PDE1A: variants seen among roughly 807,000 people sequenced by gnomAD.
PDE1A encodes the protein phosphodiesterase 1A, also known as dual specificity calcium/calmodulin-dependent 3',5'-cyclic nucleotide phosphodiesterase 1A.
In PDE1A, 35 loss-of-function variants were observed where a neutral mutation model predicts 61.7. The observed-to-expected ratio is 0.57, with a 90% CI of 0.43 to 0.75. The LOEUF is 0.75. Among genes scored for constraint, PDE1A ranks in the 30% least tolerant of loss-of-function variants. The pLI is 0.00. For synonymous variants in PDE1A, 232 were observed against 213.2 expected (o/e 1.09, Z -0.77); for missense variants, 597 against 630.6 (o/e 0.95, Z 0.57).
At chr2:182,235,872 G>T (rs868492632) in intron 3 of PDE1A, among the ~76,000 whole-genome samples, 18 of 152,188 alleles carry the variant, frequency 1.2e-4, no homozygotes, top group East Asian at 5.8e-4. Flanking sequence ...TAAATTTTTT[G>T]ATTCAATGTT....
At chr2:182,624,111 C>A in the PDE1A span, among the ~76,000 whole-genome samples, 2 of 126,680 alleles carry the variant, frequency 1.6e-5, no homozygotes, top group African/African-American at 3.0e-5. Context: ...GGGGACAGAG[C>A]GAGACTCCGT....
intron 1 of PDE1A, among the ~76,000 whole-genome samples, chr2:182,306,988 T>C (rs1574308201): frequency 6.6e-6 from 1 of 152,140 alleles, no homozygotes; most frequent in East Asian, 1.9e-4. Context: ...ACAGCAAAGC[T>C]ACAATTAGCA....
intron 7 of PDE1A, among the ~76,000 whole-genome samples, chr2:182,220,133 T>C (rs1205994025): frequency 6.6e-6 from 1 of 152,070 alleles, no homozygotes; most frequent in Non-Finnish European, 1.5e-5. Flanking sequence ...CACATATTTC[T>C]AAAATAGATT....
chr2:182,621,968 GAATGAGATTTGAAAATCT>G, the PDE1A span, among the ~76,000 whole-genome samples: 1 of 152,152 alleles, frequency 6.6e-6, no homozygotes, highest in African/African-American at 2.4e-5. Flanking sequence ...TGACTTTGGA[GAATGAGATTTGAAAATCT>G]AATTAATGGC....
the PDE1A span, among the ~76,000 whole-genome samples, chr2:182,533,562 TA>T: frequency 1.3e-5 from 2 of 152,172 alleles, no homozygotes; most frequent in Non-Finnish European, 2.9e-5. Context: ...TGATACTGTT[TA>T]AAGTTGAAAA....
chr2:182,420,846 C>T (rs1703232250), intron 1 of PDE1A, among the ~76,000 whole-genome samples: 1 of 152,138 alleles, frequency 6.6e-6, no homozygotes, highest in Admixed American at 6.5e-5. Context: ...CGTACATTTC[C>T]AGCAGCTCCA....
chr2:182,337,830 AAAAG>A (rs1205320932), intron 1 of PDE1A, among the ~76,000 whole-genome samples: 1 of 152,206 alleles, frequency 6.6e-6, no homozygotes, highest in African/African-American at 2.4e-5. Flanking sequence ...ATTTTAAAAA[AAAAG>A]AAAGTGTGAT....
At chr2:182,296,916 G>T (rs1319879550) in intron 1 of PDE1A, among the ~76,000 whole-genome samples, 2 of 152,128 alleles carry the variant, frequency 1.3e-5, no homozygotes, top group African/African-American at 4.8e-5. Context: ...TAATTGAGCT[G>T]GAATGTCAGT....
At chr2:182,655,950 A>G in the PDE1A span, among the ~76,000 whole-genome samples, 3 of 152,212 alleles carry the variant, frequency 2.0e-5, no homozygotes, top group African/African-American at 4.8e-5. Context: ...GATCACTTCA[A>G]AAACTGCCTT....
intron 2 of PDE1A, among the ~76,000 whole-genome samples, chr2:182,434,967 T>C (rs1191258426): frequency 6.6e-6 from 1 of 152,028 alleles, no homozygotes. Context: ...GTCATTTAAA[T>C]CCATCAGAAA....
downstream of PDE1A, among the ~76,000 whole-genome samples, chr2:182,144,087 T>C (rs1334867383): frequency 6.6e-6 from 1 of 152,212 alleles, no homozygotes; most frequent in Admixed American, 6.5e-5. Flanking sequence ...CCAAAAGATA[T>C]TTTAAATCAG....
At chr2:182,607,113 G>A in the PDE1A span, among the ~76,000 whole-genome samples, 1 of 152,140 alleles carries the variant, frequency 6.6e-6, no homozygotes, top group African/African-American at 2.4e-5. Context: ...AGAAGCAGGT[G>A]GTTAGTTAGG....
chr2:182,249,837 A>T (rs1053427473), intron 2 of PDE1A, among the ~76,000 whole-genome samples: 2 of 151,870 alleles, frequency 1.3e-5, no homozygotes, highest in Non-Finnish European at 2.9e-5. Flanking sequence ...TGATAATGCC[A>T]GCTGCTTTAT....
Position 182,506,690 on chromosome 2 carries a change from G to T in PDE1A, c.101+15586C>A, listed in dbSNP as rs142038170. On this transcript the variant is annotated intron_variant, in intron 2 of 14. Transcript: ENST00000410103. ...ACAGAAGAAATATGTAGGTGGGGAG[G>T]AACAAGATGCAACATCACTTTCTTC... Among the ~76,000 whole-genome samples, 652 of 152,272 alleles carry T rather than the reference G, an allele frequency of 4.3e-3. 2 individuals are homozygous for T. The highest frequency in any genetic ancestry group is 0.015 in the African/African-American group (611 of 41,530).
intron 2 of PDE1A, among the ~76,000 whole-genome samples, chr2:182,490,384 C>T (rs1000927716): frequency 6.6e-6 from 1 of 152,082 alleles, no homozygotes; most frequent in Non-Finnish European, 1.5e-5. Flanking sequence ...TATTTATTTA[C>T]TTTTTGAGAC....
At chr2:182,194,149 G>A (rs1333244276) in intron 10 of PDE1A, among the ~76,000 whole-genome samples, 1 of 151,868 alleles carries the variant, frequency 6.6e-6, no homozygotes, top group African/African-American at 2.4e-5. Flanking sequence ...TGCAGATTTT[G>A]TTCAAATATA....
intron 1 of PDE1A, among the ~76,000 whole-genome samples, chr2:182,387,986 A>G (rs1342301334): frequency 6.6e-6 from 1 of 152,170 alleles, no homozygotes; most frequent in African/African-American, 2.4e-5. Flanking sequence ...AAGGGATAGA[A>G]AAAGATATTC....
At chr2:182,700,256 T>C in the PDE1A span, among the ~76,000 whole-genome samples, 1 of 152,238 alleles carries the variant, frequency 6.6e-6, no homozygotes, top group Admixed American at 6.5e-5. Context: ...CACAGCAAAT[T>C]TGTTCTAAAA....
chr2:182,552,872 G>C, the PDE1A span, among the ~76,000 whole-genome samples: 1 of 152,060 alleles, frequency 6.6e-6, no homozygotes, highest in Non-Finnish European at 1.5e-5. Flanking sequence ...GTCCATGTTT[G>C]TTACGGCTCG....
Sources: allele counts gnomAD v4.1 joint callset (sites outside exome capture counted in the v4.1 genomes callset), GRCh38; gene constraint gnomAD v4.1.1; transcripts MANE v1.5; gene names NCBI Gene and HGNC (gene_info 2026-07-23, HGNC 2026-07-21).